N4BP2: variants seen among roughly 807,000 people sequenced by gnomAD.
N4BP2 encodes NEDD4 binding protein 2.
A neutral mutation model predicts 152.8 loss-of-function variants in N4BP2; 91 were observed. The ratio of observed to expected loss-of-function variants is 0.60; its 90% CI spans 0.50 to 0.71. N4BP2 has a LOEUF of 0.71. Ranked by LOEUF, N4BP2 falls within the 30% of genes least tolerant of loss-of-function variation. The pLI is 0.00. For synonymous variants in N4BP2, 646 were observed against 705.3 expected (o/e 0.92, Z 1.33); for missense variants, 1,923 against 2,059.1 (o/e 0.93, Z 1.28).
At chr4:40,135,832 G>C (rs931991168) in intron 13 of N4BP2, among the ~76,000 whole-genome samples, 4 of 152,206 alleles carry the variant, frequency 2.6e-5, no homozygotes, top group Admixed American at 1.3e-4. Flanking sequence ...CTCCCAAAGT[G>C]TTGGGATTAC....
At chr4:40,147,687 C>T (rs924627273) in intron 16 of N4BP2, among the ~76,000 whole-genome samples, 1 of 150,068 alleles carries the variant, frequency 6.7e-6, no homozygotes, top group African/African-American at 2.5e-5. Flanking sequence ...GGGGCTGACC[C>T]CCCACCTCCC....
intron 14 of N4BP2, chr4:40,142,272 C>G (rs1720082648): frequency 6.2e-6 from 2 of 320,928 alleles, no homozygotes; most frequent in Middle Eastern, 4.6e-4. Context: ...TTCAACTGCT[C>G]TGGTTCCTTT....
intron 13 of N4BP2, among the ~76,000 whole-genome samples, chr4:40,136,343 A>AATCTATCTATCTATCT (rs56276709): frequency 5.4e-4 from 74 of 136,740 alleles, no homozygotes; most frequent in East Asian, 1.7e-3. Flanking sequence ...TTAGAAATTG[A>AATCTATCTATCTATCT]ATCTATCTAT....
chr4:40,116,198 G>A (rs1717319634), intron 7 of N4BP2, among the ~76,000 whole-genome samples: 1 of 151,946 alleles, frequency 6.6e-6, no homozygotes, highest in Non-Finnish European at 1.5e-5. Context: ...TCTCTTGTAA[G>A]CATGATGGCT....
At chr4:40,180,551 C>T in the N4BP2 span, among the ~76,000 whole-genome samples, 1 of 152,262 alleles carries the variant, frequency 6.6e-6, no homozygotes, top group Non-Finnish European at 1.5e-5. Context: ...TGTCATTATT[C>T]CACAGGAATA....
intron 2 of N4BP2, 27 bp from the exon 3 acceptor site, chr4:40,097,200 A>C: frequency 1.5e-6 from 1 of 650,106 alleles, no homozygotes; most frequent in Non-Finnish European, 2.7e-6. Flanking sequence ...ATATAGTCTG[A>C]GTGTTTTTAA....
chr4:40,144,464 T>C (rs1462133420), intron 15 of N4BP2, among the ~76,000 whole-genome samples, 168 bp from the exon 16 acceptor site: 1 of 152,242 alleles, frequency 6.6e-6, no homozygotes. Flanking sequence ...CACTGAAATT[T>C]ACCTAAATTT....
chr4:40,128,051 A>C (rs902602593), intron 12 of N4BP2, among the ~76,000 whole-genome samples: 2 of 152,210 alleles, frequency 1.3e-5, no homozygotes, highest in East Asian at 3.8e-4. Flanking sequence ...CTTCACTTTG[A>C]ATTTTATTTT....
intron 12 of N4BP2, among the ~76,000 whole-genome samples, chr4:40,129,801 T>C (rs897296680): frequency 1.3e-5 from 2 of 152,100 alleles, no homozygotes; most frequent in African/African-American, 4.8e-5. Flanking sequence ...GTCCTCACTC[T>C]TTGTCCCCAA....
At chr4:40,106,594 G>A (rs943862274) in intron 4 of N4BP2, among the ~76,000 whole-genome samples, 2 of 152,014 alleles carry the variant, frequency 1.3e-5, no homozygotes, top group African/African-American at 2.4e-5. Context: ...TGTCTCCCAG[G>A]CTGGAGTACG....
rs1057016582 is a variant in N4BP2 at position 40,097,638 on chromosome 4, T to C, written c.229+69T>C. 4.7e-6 allele frequency: 4 copies of C among 844,656 alleles called. No individual in the cohort carries two copies. In the African/African-American group the frequency reaches 6.9e-5, roughly 14 times the overall value. The allele number at this position is 844,656 out of a possible 1,614,324, so 52.3% of individuals were successfully genotyped here. ...ACTTTGTGTACTATGCCATGATTAA[T>C]AGTAATATAGAAAAATGTCTTGTTT... On this transcript the variant is annotated intron_variant, in intron 3 of 17. Transcript: ENST00000261435.
chr4:40,104,140 G>A (rs1716003543), intron 4 of N4BP2, among the ~76,000 whole-genome samples: 1 of 152,004 alleles, frequency 6.6e-6, no homozygotes, highest in Admixed American at 6.6e-5. Context: ...TTTTAGTAGA[G>A]ACGGGGTTTC....
At chr4:40,085,355 A>G (rs910314662) in intron 2 of N4BP2, among the ~76,000 whole-genome samples, 1 of 152,228 alleles carries the variant, frequency 6.6e-6, no homozygotes, top group African/African-American at 2.4e-5. Flanking sequence ...TTTTAGATAC[A>G]CAAAGTAGAG....
chr4:40,174,077 C>T, the N4BP2 span, among the ~76,000 whole-genome samples: 3 of 152,302 alleles, frequency 2.0e-5, no homozygotes, highest in Non-Finnish European at 4.4e-5. Context: ...AACTGGATAG[C>T]TATTGTCAAA....
intron 2 of N4BP2, among the ~76,000 whole-genome samples, chr4:40,081,175 C>T (rs185339197): frequency 5.3e-5 from 8 of 151,860 alleles, no homozygotes; most frequent in Admixed American, 2.0e-4. Flanking sequence ...GCATTTCTTA[C>T]GGATTATGTG....
Position 40,120,611 on chromosome 4 carries a change from A to T in N4BP2, c.2500A>T (p.Asn834Tyr). The change falls in exon 9 of 18, where the codon AAT (asparagine) becomes TAT (tyrosine). Residue 834 changes from asparagine (N) to tyrosine (Y), a missense_variant. Physicochemically the swap from Asn to Tyr is moderately radical, Grantham distance 143 (BLOSUM62 -2). Coordinates refer to ENST00000261435, the MANE Select transcript of N4BP2 (RefSeq NM_018177.6). ...CAAATTAGTTAACAGTGTATCTGTGAATACAGATTGTGTCCAGCAACGAGG... is the reference window on the plus strand; with the variant it reads ...CAAATTAGTTAACAGTGTATCTGTGTATACAGATTGTGTCCAGCAACGAGG... Reference protein sequence around the residue: ...SHKLVNSVSVNTDCVQQRGSP... With the variant: ...SHKLVNSVSVYTDCVQQRGSP... The T allele has an allele frequency of 6.2e-7, 1 of 1,614,026 alleles. No homozygotes were observed. The highest frequency in any genetic ancestry group is 8.5e-7 in the Non-Finnish European group (1 of 1,179,876).
At chr4:40,148,206 C>T (rs1041755638) in intron 16 of N4BP2, among the ~76,000 whole-genome samples, 2 of 152,194 alleles carry the variant, frequency 1.3e-5, no homozygotes, top group African/African-American at 2.4e-5. Flanking sequence ...CCCGGCACCT[C>T]GGGAGGCCGA....
At chr4:40,125,508 T>A (rs1463014004) in intron 11 of N4BP2, among the ~76,000 whole-genome samples, 1 of 152,192 alleles carries the variant, frequency 6.6e-6, no homozygotes, top group Non-Finnish European at 1.5e-5. Context: ...CTTCCTCTAT[T>A]TACCAGTGTC....
the N4BP2 span, among the ~76,000 whole-genome samples, chr4:40,186,215 AATGAGGAAG>A: frequency 1.3e-5 from 2 of 151,864 alleles, no homozygotes; most frequent in African/African-American, 4.8e-5. Context: ...TAAGCTGAGT[AATGAGGAAG>A]ATGACTTTGC....
Sources: allele counts gnomAD v4.1 joint callset (sites outside exome capture counted in the v4.1 genomes callset), GRCh38; gene constraint gnomAD v4.1.1; transcripts MANE v1.5; gene names NCBI Gene and HGNC (gene_info 2026-07-23, HGNC 2026-07-21).